MTERF2: variants seen among roughly 807,000 people sequenced by gnomAD.
MTERF2 encodes the protein transcription termination factor 2, mitochondrial.
A neutral mutation model predicts 29.2 loss-of-function variants in MTERF2; 23 were observed. That is an observed-to-expected ratio of 0.79 (90% CI 0.57 to 1.12). MTERF2 has a LOEUF of 1.12. MTERF2 is among the 50% of genes most tolerant of loss of function. MTERF2 has a pLI of 0.00. For missense variants in MTERF2, 440 were observed against 429.4 expected, an observed-to-expected ratio of 1.02 and a Z score of -0.22; for synonymous variants, 157 against 159.5, an observed-to-expected ratio of 0.98 and a Z score of 0.12.
intron 2 of MTERF2, among the ~76,000 whole-genome samples, chr12:106,984,314 C>T (rs946041424): frequency 6.6e-5 from 10 of 152,210 alleles, no homozygotes; most frequent in South Asian, 2.1e-4. Flanking sequence ...TTTCTCTTCA[C>T]CTCAGCTAAT....
Position 106,984,880 on chromosome 12 carries a change from T to C in MTERF2, c.-58+235A>G, listed in dbSNP as rs149837783. On this transcript the variant is annotated intron_variant, in intron 2 of 2. Transcript: ENST00000240050. ...CTTGGCTATGTCTTTATCAGCAGCA[T>C]GAAAAAGGACTAATACAAGCCATGA... Among the ~76,000 whole-genome samples, 1,069 of 152,276 alleles carry C rather than the reference T, an allele frequency of 7.0e-3. 14 individuals are homozygous for C. Among genetic ancestry groups the C allele is most frequent in the African/African-American group, 0.025 (1,025 of 41,560 alleles).
At position 106,980,902 on chromosome 12, in the gene MTERF2, G is replaced by A. The variant is rs562855956; in HGVS notation, c.-57-2131C>T. Reference sequence around the variant, plus strand: ...CATTTTGATTTAGCTCACTGTGAGCGCCTATGGAGACTAAAATAATTGTAG... The same window carrying A: ...CATTTTGATTTAGCTCACTGTGAGCACCTATGGAGACTAAAATAATTGTAG... On this transcript the variant is annotated intron_variant, in intron 2 of 2. Transcript: ENST00000240050. Among the ~76,000 whole-genome samples the A allele has an allele frequency of 3.3e-5, 5 of 152,174 alleles. No homozygotes were observed. The South Asian group carries it at 6.2e-4, about 19-fold the overall frequency.
At position 106,977,397 on chromosome 12, in the gene MTERF2, GCA is replaced by G. The variant is rs869078548; in HGVS notation, c.*158_*159del. On this transcript the variant is annotated 3_prime_UTR_variant, in exon 3 of 3. Coordinates refer to ENST00000240050, the MANE Select transcript of MTERF2 (RefSeq NM_001033050.3). ...AATATGATTTATATTTTATAATATG[GCA>G]CATGAGTCAGAATTTATCTATTTAG... 3.7e-5 allele frequency: 17 copies of G among 456,638 alleles called. No homozygotes were observed. The highest frequency in any genetic ancestry group is 4.6e-5 in the Non-Finnish European group (13 of 285,250). 28.3% of individuals were successfully genotyped at this position (456,638 alleles called of 1,614,324 possible).
chr12:106,985,685 T>C (rs1952105020), intron 1 of MTERF2: 1 of 152,308 alleles, frequency 6.6e-6, no homozygotes, highest in Non-Finnish European at 1.5e-5. Flanking sequence ...CTTCACTGCC[T>C]CTAGGAGGCA....
intron 1 of MTERF2, 96 bp from the exon 2 acceptor site, chr12:106,985,321 C>G (rs11614626): frequency 6.6e-6 from 1 of 152,316 alleles, no homozygotes; most frequent in African/African-American, 2.4e-5. Context: ...TGCCACCACC[C>G]TAATTCCCAT....
intron 2 of MTERF2, among the ~76,000 whole-genome samples, chr12:106,983,965 C>T (rs1161069242): frequency 6.6e-6 from 1 of 152,170 alleles, no homozygotes; most frequent in Non-Finnish European, 1.5e-5. Flanking sequence ...CCTCTGGCCT[C>T]CCACCTACCT....
rs2136790782 is a variant in MTERF2, at chr12:106,978,578, G to A, written c.137C>T (p.Thr46Ile). Residue 46 changes from threonine to isoleucine, a missense_variant, in exon 3 of 3, where the codon ACA (threonine) becomes ATA (isoleucine). Physicochemically the swap from Thr to Ile is moderately conservative, Grantham distance 89. Coordinates refer to ENST00000240050, the MANE Select transcript of MTERF2 (RefSeq NM_001033050.3). Reference protein sequence around the residue: ...TTDKQSSKENTRTVEKLYKCS... With the variant: ...TTDKQSSKENIRTVEKLYKCS... ...TTTATAGAGCTTTTCCACTGTTCTTGTATTTTCTTTGCTCGACTGTTTATC... is the reference window on the plus strand; with the variant it reads ...TTTATAGAGCTTTTCCACTGTTCTTATATTTTCTTTGCTCGACTGTTTATC... 1.2e-6 allele frequency: 2 copies of A among 1,614,132 alleles called. No individual in the cohort carries two copies. Among genetic ancestry groups the A allele is most frequent in the East Asian group, 2.2e-5 (1 of 44,882 alleles).
rs1320944272 is a variant in MTERF2, at chr12:106,977,869, C to T, written c.846G>A (p.Lys282=). ...NAFKCTDHDL[K]QLVLKCPALL... ...GGGCAGGACATTTCAAAACTAATTG[C>T]TTCAGGTCATGATCTGTGCATTTAA... is the stretch of plus-strand genomic sequence containing the variant. The change falls in exon 3 of 3, where the codon AAG becomes AAA. Residue 282 remains lysine (K), a synonymous_variant. Transcript: ENST00000240050. The T allele has an allele frequency of 6.2e-6, 10 of 1,613,938 alleles. No homozygotes were observed. Among genetic ancestry groups the T allele is most frequent in the Non-Finnish European group, 7.6e-6 (9 of 1,180,004 alleles).
chr12:106,986,791 CG>C (rs1316957098), intron 1 of MTERF2, 177 bp downstream of exon 1: 1 of 152,236 alleles, frequency 6.6e-6, no homozygotes, highest in African/African-American at 2.4e-5. Context: ...CGAGGGTCCA[CG>C]GAAGATCTCC....
In MTERF2 at chr12:106,978,516, C is replaced by T; in HGVS notation, c.199G>A (p.Gly67Arg). The change falls in exon 3 of 3, where the codon GGA (glycine) becomes AGA (arginine). Residue 67 changes from glycine to arginine, a missense_variant. Coordinates refer to ENST00000240050, the MANE Select transcript of MTERF2 (RefSeq NM_001033050.3). ...GTTTCATCCTCTAAAAGTACCCATC[C>T]TTTTAATCTACGAATTTTCCTAATG... ...VDIRKIRRLKGWVLLEDETYV... is the reference protein window; with the variant it reads ...VDIRKIRRLKRWVLLEDETYV... The T allele has an allele frequency of 6.2e-7, 1 of 1,614,220 alleles. No individual in the cohort carries two copies. Among genetic ancestry groups the T allele is most frequent in the Non-Finnish European group, 8.5e-7 (1 of 1,180,032 alleles).
intron 2 of MTERF2, among the ~76,000 whole-genome samples, chr12:106,979,305 T>C (rs1363489658): frequency 6.6e-6 from 1 of 152,234 alleles, no homozygotes; most frequent in Non-Finnish European, 1.5e-5. Flanking sequence ...AGCAGATACT[T>C]AAAGGGGGAA....
Position 106,977,990 on chromosome 12 carries a change from A to C in MTERF2, c.725T>G (p.Phe242Cys). 1.2e-6 allele frequency: 2 copies of C among 1,614,190 alleles called. No individual in the cohort carries two copies. Among genetic ancestry groups the C allele is most frequent in the Non-Finnish European group, 1.7e-6 (2 of 1,180,018 alleles). The change falls in exon 3 of 3, where the codon TTT becomes TGT. Residue 242 changes from phenylalanine (F) to cysteine (C), a missense_variant. Physicochemically the swap from Phe to Cys is radical, Grantham distance 205. Coordinates refer to ENST00000240050, the MANE Select transcript of MTERF2 (RefSeq NM_001033050.3). ...TTTGGATAGAAGCTGGAGAATTTCAAAGCTGGTGAAACCTTGCTCCTGGAG... is the reference window on the plus strand; with the variant it reads ...TTTGGATAGAAGCTGGAGAATTTCACAGCTGGTGAAACCTTGCTCCTGGAG... ...EFLQEQGFTS[F>C]EILQLLSKLK... is the part of the protein sequence containing the mutation.
At chr12:106,978,859 A>G (rs1952022701) in intron 2 of MTERF2, 88 bp from the exon 3 acceptor site, 1 of 628,194 alleles carries the variant, frequency 1.6e-6, no homozygotes, top group Non-Finnish European at 2.6e-6. Flanking sequence ...TGAAGTCTGG[A>G]AATAAAGTGG....
chr12:106,986,237 C>T (rs539656248), intron 1 of MTERF2: 1 of 152,258 alleles, frequency 6.6e-6, no homozygotes, highest in Non-Finnish European at 1.5e-5. Context: ...TGTGTTGTGA[C>T]TTGAAGAAGT....
intron 2 of MTERF2, among the ~76,000 whole-genome samples, chr12:106,981,547 C>T (rs1470416331): frequency 6.6e-6 from 1 of 152,158 alleles, no homozygotes. Flanking sequence ...GACAGGTTCT[C>T]ACTCTGTCAC....
chr12:106,978,195 G>A lies in MTERF2; in HGVS notation c.520C>T (p.Pro174Ser). Residue 174 changes from proline to serine, a missense_variant, in exon 3 of 3, where the codon CCT (proline) becomes TCT (serine). Physicochemically the swap from Pro to Ser is moderately conservative, Grantham distance 74. Coordinates refer to ENST00000240050, the MANE Select transcript of MTERF2 (RefSeq NM_001033050.3). Reference protein sequence around the residue: ...VVISRLLTAAPNVFHNPVEKN... With the variant: ...VVISRLLTAASNVFHNPVEKN... ...TCAACAGGATTATGAAAAACATTAG[G>A]TGCAGCTGTCAAAAGTCTGCTAATG... 1.2e-6 allele frequency: 2 copies of A among 1,613,714 alleles called. No homozygotes were observed. The highest frequency in any genetic ancestry group is 1.1e-5 in the South Asian group (1 of 90,948).
intron 2 of MTERF2, among the ~76,000 whole-genome samples, chr12:106,980,016 G>C (rs1952037808): frequency 6.6e-6 from 1 of 152,098 alleles, no homozygotes. Flanking sequence ...TCCTGCCTCA[G>C]CCTCCCGAGT....
intron 2 of MTERF2, among the ~76,000 whole-genome samples, chr12:106,983,872 C>T (rs1484197171): frequency 6.6e-6 from 1 of 152,230 alleles, no homozygotes; most frequent in Non-Finnish European, 1.5e-5. Context: ...TTGGCTCCCC[C>T]TGCCAGACCA....
chr12:106,987,062 G>C lies in MTERF2; in HGVS notation c.-262C>G, dbSNP rs923991663. The C allele has an allele frequency of 2.6e-5, 4 of 152,708 alleles. No individual in the cohort carries two copies. Among genetic ancestry groups the C allele is most frequent in the African/African-American group, 9.6e-5 (4 of 41,480 alleles). 9.5% of individuals were successfully genotyped at this position (152,708 alleles called of 1,614,324 possible). A position where few individuals can be genotyped will look rare whatever the true frequency, so the allele number is the denominator to read the frequency against. Reference sequence around the variant, plus strand: ...CCGGCCAGCCTCCCCACAGTCCGCAGTCCCCGAGGCCTGGAGCCGGGATTT... The same window carrying C: ...CCGGCCAGCCTCCCCACAGTCCGCACTCCCCGAGGCCTGGAGCCGGGATTT... On this transcript the variant is annotated 5_prime_UTR_variant, in exon 1 of 3. Transcript: ENST00000240050.
Sources: gnomAD v4.1 joint callset for allele counts (sites outside exome capture counted in the v4.1 genomes callset) on GRCh38, gnomAD v4.1.1 for gene constraint, MANE v1.5 for transcripts, NCBI Gene and HGNC (gene_info 2026-07-23, HGNC 2026-07-21) for gene names.